Variants in TXNRD2 observed in about 807,000 individuals in gnomAD.
TXNRD2 encodes thioredoxin reductase 2, also known as thioredoxin reductase 2, mitochondrial.
Under a neutral mutation model 70.8 loss-of-function variants are expected in TXNRD2, and 67 were observed. That is an observed-to-expected ratio of 0.95 (90% CI 0.78 to 1.16). The LOEUF (loss-of-function observed/expected upper bound fraction) is 1.16. TXNRD2 is among the 50% of genes most tolerant of loss of function. TXNRD2 has a pLI of 0.00. For synonymous variants in TXNRD2, 301 were observed against 295.8 expected (o/e 1.02, Z -0.18); for missense variants, 644 against 719.9 (o/e 0.89, Z 1.21).
intron 8 of TXNRD2, among the ~76,000 whole-genome samples, chr22:19,909,011 C>T (rs926144479): frequency 2.0e-5 from 3 of 152,048 alleles, no homozygotes; most frequent in Non-Finnish European, 4.4e-5. Context: ...TTGAGACCAG[C>T]CTGGCCAACA....
intron 11 of TXNRD2, among the ~76,000 whole-genome samples, chr22:19,889,101 C>T (rs1197253930): frequency 2.6e-5 from 4 of 152,164 alleles, no homozygotes; most frequent in East Asian, 3.9e-4. Context: ...ACCCCTAGGC[C>T]GTTCCAGGGA....
Position 19,919,483 on chromosome 22 carries a change from A to T in TXNRD2, c.229+60T>A, listed in dbSNP as rs879485257. The T allele has an allele frequency of 2.0e-6, 3 of 1,499,114 alleles. No homozygotes were observed. The Admixed American group carries it at 5.9e-5, about 29-fold the overall frequency. The allele number at this position is 1,499,114 out of a possible 1,614,324, so 92.9% of individuals were successfully genotyped here. A position where few individuals can be genotyped will look rare whatever the true frequency, so the allele number is the denominator to read the frequency against. On this transcript the variant is annotated intron_variant, in intron 3 of 17. Transcript: ENST00000400521. ...GGTGTCAGCTGCCCTCTGTACAGGA[A>T]CTGGGCCCACCTCCCACCTCCTTCC...
intron 1 of TXNRD2, among the ~76,000 whole-genome samples, chr22:19,934,646 T>C (rs1190114132): frequency 6.6e-6 from 1 of 151,132 alleles, no homozygotes; most frequent in African/African-American, 2.4e-5. Context: ...CACTGCAAGC[T>C]CCGCCTCCTG....
At chr22:19,931,919 T>G (rs556054001) in intron 1 of TXNRD2, among the ~76,000 whole-genome samples, 4 of 151,872 alleles carry the variant, frequency 2.6e-5, no homozygotes, top group African/African-American at 4.8e-5. Flanking sequence ...CCAGCACTTT[T>G]GGAGGCCAAG....
intron 8 of TXNRD2, among the ~76,000 whole-genome samples, chr22:19,907,653 A>C (rs1438004582): frequency 1.3e-4 from 2 of 15,476 alleles, no homozygotes; most frequent in African/African-American, 6.2e-4. Context: ...TGGGCGCACC[A>C]TGAGTAGCAG....
At chr22:19,895,864 G>A (rs772253020) in intron 10 of TXNRD2, among the ~76,000 whole-genome samples, 69 of 152,318 alleles carry the variant, frequency 4.5e-4, no homozygotes, top group Non-Finnish European at 2.9e-5. Context: ...AGCCAGATAC[G>A]GTCACACCTG....
chr22:19,891,172 G>A (rs944935476), intron 11 of TXNRD2, among the ~76,000 whole-genome samples: 2 of 152,244 alleles, frequency 1.3e-5, no homozygotes, highest in African/African-American at 4.8e-5. Flanking sequence ...TAGCTTCAGT[G>A]GCTGGGGTAA....
intron 12 of TXNRD2, among the ~76,000 whole-genome samples, chr22:19,882,082 GAC>G (rs1274681257): frequency 6.6e-6 from 1 of 152,198 alleles, no homozygotes; most frequent in East Asian, 1.9e-4. Flanking sequence ...AGGGCCCAGA[GAC>G]ACACCCAGGA....
chr22:19,930,162 C>T (rs1941304489), intron 2 of TXNRD2, among the ~76,000 whole-genome samples: 1 of 152,224 alleles, frequency 6.6e-6, no homozygotes, highest in South Asian at 2.1e-4. Flanking sequence ...GGTTCCTACA[C>T]ACTCCCCGGC....
intron 7 of TXNRD2, 160 bp downstream of exon 7, chr22:19,915,054 G>A: frequency 2.8e-6 from 2 of 725,566 alleles, no homozygotes; most frequent in South Asian, 1.6e-5. Context: ...TCAGCAGTGT[G>A]GATTCAAGAG....
At chr22:19,915,644 CT>C in intron 6 of TXNRD2, 120 bp downstream of exon 6, 2 of 920,252 alleles carry the variant, frequency 2.2e-6, no homozygotes, top group South Asian at 1.4e-5. Context: ...AAGAAGCCAC[CT>C]TTTTGATTCC....
chr22:19,921,146 G>A (rs906249795), intron 2 of TXNRD2, among the ~76,000 whole-genome samples: 14 of 145,616 alleles, frequency 9.6e-5, no homozygotes, highest in Non-Finnish European at 1.5e-5. Context: ...AAGGCACAGT[G>A]GCTCACGCCT....
intron 2 of TXNRD2, among the ~76,000 whole-genome samples, chr22:19,921,651 T>C (rs558451126): frequency 1.3e-5 from 2 of 151,854 alleles, no homozygotes; most frequent in African/African-American, 4.8e-5. Flanking sequence ...CTGGGGAAGA[T>C]GGGGAGAATC....
intron 13 of TXNRD2, 128 bp downstream of exon 13, chr22:19,880,494 A>T: frequency 1.1e-6 from 1 of 917,272 alleles, no homozygotes; most frequent in African/African-American, 1.6e-5. Context: ...CACCCACATA[A>T]GCGCACACAC....
At chr22:19,931,239 C>T (rs1941348687) in intron 1 of TXNRD2, 141 bp from the exon 2 acceptor site, 7 of 778,584 alleles carry the variant, frequency 9.0e-6, no homozygotes, top group South Asian at 2.9e-5. Flanking sequence ...AAGAGTGACT[C>T]GATACACATA....
At chr22:19,888,300 T>G (rs1939116292) in intron 11 of TXNRD2, among the ~76,000 whole-genome samples, 2 of 152,160 alleles carry the variant, frequency 1.3e-5, no homozygotes, top group Admixed American at 1.3e-4. Flanking sequence ...GCAGCCACCA[T>G]GCTTGTCCAG....
chr22:19,906,435 G>C (rs1015691187), intron 8 of TXNRD2, among the ~76,000 whole-genome samples: 1 of 152,018 alleles, frequency 6.6e-6, no homozygotes, highest in African/African-American at 2.4e-5. Context: ...GACTAGCCTG[G>C]GCCACATAGC....
chr22:19,930,002 C>T (rs1251126809), intron 2 of TXNRD2, among the ~76,000 whole-genome samples: 5 of 152,170 alleles, frequency 3.3e-5, no homozygotes, highest in Non-Finnish European at 5.9e-5. Context: ...TGGGAGTGAA[C>T]GCACAGCCCA....
chr22:19,883,203 A>G, intron 12 of TXNRD2, 122 bp downstream of exon 12: 1 of 1,316,408 alleles, frequency 7.6e-7, no homozygotes, highest in Non-Finnish European at 1.0e-6. Flanking sequence ...TTTGGCCCAG[A>G]GCCTCTGTCA....
Sources: allele counts gnomAD v4.1 joint callset (sites outside exome capture counted in the v4.1 genomes callset), GRCh38; gene constraint gnomAD v4.1.1; transcripts MANE v1.5; gene names NCBI Gene and HGNC (gene_info 2026-07-23, HGNC 2026-07-21).